The following ADK variants were observed in gnomAD, a reference collection of about 807,000 sequenced individuals.
The protein encoded by ADK is adenosine kinase.
ADK carries 24 observed loss-of-function variants against 44.7 expected under a neutral mutation model. That is an observed-to-expected ratio of 0.54 (90% CI 0.39 to 0.76). The LOEUF (loss-of-function observed/expected upper bound fraction) is 0.76. ADK is among the 30% of genes least tolerant of loss of function. The pLI, the probability that ADK is intolerant of heterozygous loss-of-function variation, is 0.00. For synonymous variants in ADK, 128 were observed against 142.6 expected (o/e 0.90, Z 0.73); for missense variants, 321 against 425.1 (o/e 0.76, Z 2.15).
chr10:74,594,685 A>T (rs1851839683), intron 8 of ADK, among the ~76,000 whole-genome samples: 1 of 151,894 alleles, frequency 6.6e-6, no homozygotes, highest in African/African-American at 2.4e-5. Context: ...AAAAAAAAAA[A>T]AGAATGAAGA....
At chr10:74,374,633 T>C (rs1263468036) in intron 4 of ADK, among the ~76,000 whole-genome samples, 2 of 152,136 alleles carry the variant, frequency 1.3e-5, no homozygotes, top group African/African-American at 2.4e-5. Flanking sequence ...CAGGTAACTC[T>C]CTGATCCCAG....
At chr10:74,612,568 C>T (rs1326420011) in intron 9 of ADK, among the ~76,000 whole-genome samples, 2 of 152,106 alleles carry the variant, frequency 1.3e-5, no homozygotes, top group Non-Finnish European at 2.9e-5. Flanking sequence ...AATATTTTCT[C>T]CTAATCTGTA....
chr10:74,319,917 T>C (rs1840752858), intron 4 of ADK, among the ~76,000 whole-genome samples: 1 of 152,226 alleles, frequency 6.6e-6, no homozygotes, highest in African/African-American at 2.4e-5. Flanking sequence ...CGTCTTTATA[T>C]ATTGCATGCC....
chr10:74,316,227 G>A (rs143608991), intron 4 of ADK, among the ~76,000 whole-genome samples: 1,907 of 151,182 alleles, frequency 0.013, 45 homozygotes, highest in African/African-American at 0.044. Context: ...GCAACAGAGT[G>A]AGACTCCATC....
chr10:74,328,734 C>A (rs1013726981), intron 4 of ADK, among the ~76,000 whole-genome samples: 1 of 152,130 alleles, frequency 6.6e-6, no homozygotes, highest in Non-Finnish European at 1.5e-5. Flanking sequence ...TGCGTTCCAG[C>A]GTGATTGTAA....
At chr10:74,629,732 C>G (rs1853343885) in intron 9 of ADK, among the ~76,000 whole-genome samples, 1 of 152,116 alleles carries the variant, frequency 6.6e-6, no homozygotes, top group African/African-American at 2.4e-5. Flanking sequence ...CTTCACATCA[C>G]ACTGGTGATC....
At chr10:74,549,227 AG>A (rs1849944616) in intron 7 of ADK, among the ~76,000 whole-genome samples, 1 of 152,186 alleles carries the variant, frequency 6.6e-6, no homozygotes, top group African/African-American at 2.4e-5. Context: ...ACACACAGTG[AG>A]GGGGTATTCT....
intron 9 of ADK, among the ~76,000 whole-genome samples, chr10:74,645,651 T>A (rs1589328656): frequency 6.6e-6 from 1 of 152,320 alleles, no homozygotes; most frequent in African/African-American, 2.4e-5. Flanking sequence ...AAGTCCCCAA[T>A]TGCTAGCTTT....
intron 3 of ADK, among the ~76,000 whole-genome samples, chr10:74,282,216 G>A (rs1313268053): frequency 1.3e-5 from 2 of 152,248 alleles, no homozygotes; most frequent in African/African-American, 2.4e-5. Context: ...TTTTGTTAAA[G>A]TAATGTTACC....
chr10:74,639,603 G>A (rs902314064), intron 9 of ADK, among the ~76,000 whole-genome samples: 6 of 152,146 alleles, frequency 3.9e-5, no homozygotes, highest in South Asian at 2.1e-4. Context: ...TTGGGAGGCC[G>A]AGGGGGGCAG....
intron 7 of ADK, among the ~76,000 whole-genome samples, chr10:74,562,086 A>C (rs1225361759): frequency 6.6e-6 from 1 of 152,206 alleles, no homozygotes; most frequent in Non-Finnish European, 1.5e-5. Flanking sequence ...AATGCCTGCT[A>C]TGTACCAAGC....
At chr10:74,634,730 A>G (rs966048792) in intron 9 of ADK, among the ~76,000 whole-genome samples, 8 of 152,000 alleles carry the variant, frequency 5.3e-5, no homozygotes, top group African/African-American at 1.9e-4. Flanking sequence ...GGATTTCCTG[A>G]AGTCAGGAGT....
At position 74,636,172 on chromosome 10, in the gene ADK, T is replaced by G. The variant is rs796523447; in HGVS notation, c.878-34011T>G. Reference sequence around the variant, plus strand: ...CTAACAAAAATAGAATAATCTAATATAAATAGAAACTACAAAATGTTCCAG... The same window carrying G: ...CTAACAAAAATAGAATAATCTAATAGAAATAGAAACTACAAAATGTTCCAG... On this transcript the variant is annotated intron_variant, in intron 9 of 10. Transcript: ENST00000539909. Among the ~76,000 whole-genome samples the G allele has an allele frequency of 2.6e-5, 4 of 152,216 alleles. No homozygotes were observed. In the South Asian group the frequency reaches 6.2e-4, roughly 24 times the overall value.
intron 3 of ADK, among the ~76,000 whole-genome samples, chr10:74,274,105 C>A (rs1300940217): frequency 1.3e-5 from 2 of 152,084 alleles, no homozygotes; most frequent in African/African-American, 4.8e-5. Flanking sequence ...ACCCTTTGCA[C>A]AGTTGAAAAT....
rs960534010 is a variant in ADK, at chr10:74,167,502, AT to A, written c.65+16160del. On this transcript the variant is annotated intron_variant, in intron 1 of 10. Transcript: ENST00000539909. ...AGGTCTGGTCTGGAGGGTCCATCTT[AT>A]CTTTATTCACTCACCTTATGCCTTA... 2.6e-5 allele frequency among the ~76,000 whole-genome samples: 4 copies of A among 152,146 alleles called. 1 individual carries two copies. Among genetic ancestry groups the A allele is most frequent in the African/African-American group, 7.2e-5 (3 of 41,420 alleles).
rs571382905 is a variant in ADK at position 74,160,720 on chromosome 10, TG to T, written c.65+9378del. On this transcript the variant is annotated intron_variant, in intron 1 of 10. Transcript: ENST00000539909. ...GTGTGTGTGTGTGTGTGTGTGTGTA[TG>T]TGTGTGTGTAGGTAGTACTAGGTAT... Among the ~76,000 whole-genome samples, 296 of 143,870 alleles carry T rather than the reference TG, an allele frequency of 2.1e-3. 3 individuals carry two copies. The highest frequency in any genetic ancestry group is 0.011 in the Admixed American group (158 of 14,658). The allele number at this position is 143,870 out of a possible 152,430, so 94.4% of individuals were successfully genotyped here. A position where few individuals can be genotyped will look rare whatever the true frequency, so the allele number is the denominator to read the frequency against.
intron 6 of ADK, among the ~76,000 whole-genome samples, chr10:74,509,032 C>A (rs1848192974): frequency 6.6e-6 from 1 of 152,140 alleles, no homozygotes; most frequent in African/African-American, 2.4e-5. Context: ...CAGGTGTGAT[C>A]ATTGTGCAGA....
chr10:74,522,291 A>G (rs1848866211), intron 6 of ADK, among the ~76,000 whole-genome samples: 1 of 152,212 alleles, frequency 6.6e-6, no homozygotes, highest in African/African-American at 2.4e-5. Context: ...TGTGGAAGCC[A>G]GCAAGTCCTG....
At chr10:74,163,836 A>G (rs1184883638) in intron 1 of ADK, among the ~76,000 whole-genome samples, 1 of 152,228 alleles carries the variant, frequency 6.6e-6, no homozygotes, top group Non-Finnish European at 1.5e-5. Flanking sequence ...ACTTAACCAC[A>G]TAGAGATTTA....
Sources: allele counts gnomAD v4.1 joint callset (sites outside exome capture counted in the v4.1 genomes callset), GRCh38; gene constraint gnomAD v4.1.1; transcripts MANE v1.5; gene names NCBI Gene and HGNC (gene_info 2026-07-23, HGNC 2026-07-21).